ZNF740: variants seen among roughly 807,000 people sequenced by gnomAD.
The protein encoded by ZNF740 is oriLyt TD-element-binding protein 7.
A neutral mutation model predicts 24.8 loss-of-function variants in ZNF740; 14 were observed. The ratio of observed to expected loss-of-function variants is 0.56; its 90% CI spans 0.37 to 0.88. The LOEUF is 0.88. ZNF740 is among the 40% of genes least tolerant of loss of function. The probability of loss-of-function intolerance (pLI) is 0.00; values close to 1 mark genes in which losing one functional copy is unlikely to be tolerated. For synonymous variants in ZNF740, 69 were observed against 84.0 expected, an observed-to-expected ratio of 0.82 and a Z score of 0.98; for missense variants, 201 against 247.9, an observed-to-expected ratio of 0.81 and a Z score of 1.27.
In ZNF740 at chr12:53,187,667, A is replaced by C; in HGVS notation, c.*77A>C. On this transcript the variant is annotated 3_prime_UTR_variant, in exon 7 of 7. Coordinates refer to ENST00000416904, the MANE Select transcript of ZNF740 (RefSeq NM_001004304.4). ...ACACCCCCTCTGGTCTGATGGTCCCACCACCGCCCCATGTGAACCTGTCCC... is the reference window on the plus strand; with the variant it reads ...ACACCCCCTCTGGTCTGATGGTCCCCCCACCGCCCCATGTGAACCTGTCCC... 1 of 1,189,644 alleles carries C rather than the reference A, an allele frequency of 8.4e-7. No individual in the cohort carries two copies. Among genetic ancestry groups the C allele is most frequent in the Non-Finnish European group, 1.2e-6 (1 of 809,932 alleles). The allele number at this position is 1,189,644 out of a possible 1,614,324, so 73.7% of individuals were successfully genotyped here.
At position 53,193,817 on chromosome 12, in the gene ZNF740, C is replaced by G. The variant is rs776099541; in HGVS notation, c.*6227C>G. Reference sequence around the variant, plus strand: ...AGCGTGTGCAACTCCACAATCAGCTCCTCTGAGAAGCCAAGGGCCCGGAGC... The same window carrying G: ...AGCGTGTGCAACTCCACAATCAGCTGCTCTGAGAAGCCAAGGGCCCGGAGC... On this transcript the variant is annotated 3_prime_UTR_variant, in exon 7 of 7. Coordinates refer to ENST00000416904, the MANE Select transcript of ZNF740 (RefSeq NM_001004304.4). 6.2e-7 allele frequency: 1 copy of G among 1,614,070 alleles called. No homozygotes were observed. Among genetic ancestry groups the G allele is most frequent in the Non-Finnish European group, 8.5e-7 (1 of 1,180,006 alleles).
intron 1 of ZNF740, 116 bp from the exon 2 acceptor site, chr12:53,181,561 A>G (rs983129742): frequency 3.2e-6 from 3 of 946,888 alleles, no homozygotes; most frequent in South Asian, 4.5e-5. Context: ...TTCTTGACTC[A>G]TGTCCTCGTT....
In ZNF740 at chr12:53,190,550, C is replaced by T. The variant is rs1941913127; in HGVS notation, c.*2960C>T. On this transcript the variant is annotated 3_prime_UTR_variant, in exon 7 of 7. Coordinates refer to ENST00000416904, the MANE Select transcript of ZNF740 (RefSeq NM_001004304.4). The stretch of plus-strand genomic sequence containing the variant: ...GCTACTGATCACGCCCATGGCTTGA[C>T]ATTGGAGGGTTACATTAGTGGAGTC... 6.5e-6 allele frequency: 1 copy of T among 152,680 alleles called. No homozygotes were observed. Among genetic ancestry groups the T allele is most frequent in the Non-Finnish European group, 1.5e-5 (1 of 68,062 alleles). 9.5% of individuals were successfully genotyped at this position (152,680 alleles called of 1,614,324 possible). A position where few individuals can be genotyped will look rare whatever the true frequency, so the allele number is the denominator to read the frequency against.
chr12:53,192,137 A>G lies in ZNF740; in HGVS notation c.*4547A>G. The G allele has an allele frequency of 7.4e-7, 1 of 1,344,672 alleles. No individual in the cohort carries two copies. The allele number at this position is 1,344,672 out of a possible 1,614,324, so 83.3% of individuals were successfully genotyped here. ...CTGTCACTGAAAGCAAAGGGAACCC[A>G]GGGAGGTCCAAGGTTATCCTCACCG... is the stretch of plus-strand genomic sequence containing the variant. On this transcript the variant is annotated 3_prime_UTR_variant, in exon 7 of 7. Transcript: ENST00000416904.
chr12:53,193,131 T>G lies in ZNF740; in HGVS notation c.*5541T>G. 2 of 1,599,584 alleles carry G rather than the reference T, an allele frequency of 1.3e-6. No individual in the cohort carries two copies. The highest frequency in any genetic ancestry group is 1.7e-6 in the Non-Finnish European group (2 of 1,168,998). ...CAGACCCCGCCCTTCTCCCCAAGGCTCCAGGTACCTCCGCAGAGGATGCCC... is the reference window on the plus strand; with the variant it reads ...CAGACCCCGCCCTTCTCCCCAAGGCGCCAGGTACCTCCGCAGAGGATGCCC... On this transcript the variant is annotated 3_prime_UTR_variant, in exon 7 of 7. Coordinates refer to ENST00000416904, the MANE Select transcript of ZNF740 (RefSeq NM_001004304.4).
At chr12:53,182,551 G>A (rs1307374070) in intron 2 of ZNF740, among the ~76,000 whole-genome samples, 6 of 152,134 alleles carry the variant, frequency 3.9e-5, no homozygotes, top group Non-Finnish European at 7.3e-5. Flanking sequence ...TATGTACATA[G>A]GAGAGAACAG....
At chr12:53,183,650 A>T (rs1941752665) in intron 2 of ZNF740, among the ~76,000 whole-genome samples, 1 of 152,226 alleles carries the variant, frequency 6.6e-6, no homozygotes, top group Admixed American at 6.5e-5. Flanking sequence ...ATGTGATCAT[A>T]CAAGCACACA....
At chr12:53,184,817 T>C in intron 2 of ZNF740, 74 bp from the exon 3 acceptor site, 1 of 1,527,928 alleles carries the variant, frequency 6.5e-7, no homozygotes, top group Non-Finnish European at 8.9e-7. Context: ...TAAAAGGTAG[T>C]TCTATAGAGG....
In ZNF740 at chr12:53,187,601, C is replaced by T. The variant is rs1223892728; in HGVS notation, c.*11C>T. 7 of 1,611,736 alleles carry T rather than the reference C, an allele frequency of 4.3e-6. No homozygotes were observed. In the Middle Eastern group the frequency reaches 6.6e-4, roughly 152 times the overall value. On this transcript the variant is annotated 3_prime_UTR_variant, in exon 7 of 7. Transcript: ENST00000416904. ...CAGTTTTCTCTATAGGCGCAAGGGG[C>T]CCCGGGTGGTGGGAGTGATCAGAAG...
In ZNF740 at chr12:53,194,777, C is replaced by G; in HGVS notation, c.*7187C>G. On this transcript the variant is annotated 3_prime_UTR_variant, in exon 7 of 7. Coordinates refer to ENST00000416904, the MANE Select transcript of ZNF740 (RefSeq NM_001004304.4). ...GGAGATGCTCCCTGTTATCAAGAAG[C>G]CTACAGCCTAGTTGCAGAGGTAAGA... 5.7e-6 allele frequency: 1 copy of G among 174,606 alleles called. No homozygotes were observed. Among genetic ancestry groups the G allele is most frequent in the Non-Finnish European group, 1.2e-5 (1 of 80,372 alleles). The allele number at this position is 174,606 out of a possible 1,614,324, so 10.8% of individuals were successfully genotyped here. A position where few individuals can be genotyped will look rare whatever the true frequency, so the allele number is the denominator to read the frequency against.
intron 3 of ZNF740, 57 bp from the exon 4 acceptor site, chr12:53,185,330 G>T: frequency 6.4e-7 from 1 of 1,557,326 alleles, no homozygotes; most frequent in South Asian, 1.1e-5. Flanking sequence ...AGCTGCATTG[G>T]GTCTCATCTC....
At chr12:53,181,401 C>T in intron 1 of ZNF740, 1 of 985,446 alleles carries the variant, frequency 1.0e-6, no homozygotes, top group South Asian at 4.7e-5. Flanking sequence ...AGGGTCTCCG[C>T]CCCCTTCTTC....
chr12:53,181,262 C>T (rs1334259404), intron 1 of ZNF740: 5 of 985,328 alleles, frequency 5.1e-6, no homozygotes, highest in African/African-American at 1.7e-5. Context: ...CGTGTGGGCA[C>T]TGCCAGTCCC....
Position 53,194,562 on chromosome 12 carries a change from G to T in ZNF740, c.*6972G>T. On this transcript the variant is annotated 3_prime_UTR_variant, in exon 7 of 7. Coordinates refer to ENST00000416904, the MANE Select transcript of ZNF740 (RefSeq NM_001004304.4). ...CAGAGGCCTCTAATACAGCATTTCA[G>T]TGCAGCTGCCAGCAAGGGCCACTGA... 4.0e-6 allele frequency: 2 copies of T among 498,026 alleles called. No individual in the cohort carries two copies. The highest frequency in any genetic ancestry group is 3.2e-5 in the Admixed American group (1 of 31,202). 30.9% of individuals were successfully genotyped at this position (498,026 alleles called of 1,614,324 possible).
Position 53,194,290 on chromosome 12 carries a change from TGTGGA to T in ZNF740, c.*6701_*6705del. On this transcript the variant is annotated 3_prime_UTR_variant, in exon 7 of 7. Transcript: ENST00000416904. ...CCCTCACACTGGGATTCGTAAGAAA[TGTGGA>T]CCCCAGGAGGGAGTGAAGAGTGTTC... 6.2e-7 allele frequency: 1 copy of T among 1,613,892 alleles called. No homozygotes were observed. The highest frequency in any genetic ancestry group is 8.5e-7 in the Non-Finnish European group (1 of 1,179,942).
chr12:53,193,872 G>C lies in ZNF740; in HGVS notation c.*6282G>C, dbSNP rs754522501. On this transcript the variant is annotated 3_prime_UTR_variant, in exon 7 of 7. Coordinates refer to ENST00000416904, the MANE Select transcript of ZNF740 (RefSeq NM_001004304.4). ...GGAGATGGGGCTCTGGGAGGCAGTG[G>C]GTGGCTTGGAGAGAAACCCAGAAAG... 3.7e-6 allele frequency: 6 copies of C among 1,613,656 alleles called. No individual in the cohort carries two copies. Among genetic ancestry groups the C allele is most frequent in the Non-Finnish European group, 5.1e-6 (6 of 1,179,820 alleles).
chr12:53,186,455 C>A lies in ZNF740; in HGVS notation c.438C>A (p.Arg146=). The part of the protein sequence containing the change: ...MRFIQKYHLE[R]HKRVHSGEKP... ...TCATCCAGAAGTACCACCTGGAACGCCACAAGCGTGTGCACAGTGGTGAAA... is the reference window on the plus strand; with the variant it reads ...TCATCCAGAAGTACCACCTGGAACGACACAAGCGTGTGCACAGTGGTGAAA... The change falls in exon 6 of 7, where the codon CGC becomes CGA. Residue 146 remains arginine, a synonymous_variant. Transcript: ENST00000416904. 1 of 1,592,456 alleles carries A rather than the reference C, an allele frequency of 6.3e-7. No individual in the cohort carries two copies. Among genetic ancestry groups the A allele is most frequent in the Non-Finnish European group, 8.6e-7 (1 of 1,168,902 alleles).
rs758415703 is a variant in ZNF740 at position 53,187,933 on chromosome 12, A to C, written c.*343A>C. Reference sequence around the variant, plus strand: ...GGACTCCAGCTGGCAGCTGAAATGGAAAAGATTGGGGAAGGGGATTTGTTT... The same window carrying C: ...GGACTCCAGCTGGCAGCTGAAATGGCAAAGATTGGGGAAGGGGATTTGTTT... On this transcript the variant is annotated 3_prime_UTR_variant, in exon 7 of 7. Coordinates refer to ENST00000416904, the MANE Select transcript of ZNF740 (RefSeq NM_001004304.4). 8 of 275,082 alleles carry C rather than the reference A, an allele frequency of 2.9e-5. No individual in the cohort carries two copies. Among genetic ancestry groups the C allele is most frequent in the Non-Finnish European group, 4.9e-5 (7 of 142,892 alleles). The allele number at this position is 275,082 out of a possible 1,614,324, so 17.0% of individuals were successfully genotyped here. A position where few individuals can be genotyped will look rare whatever the true frequency, so the allele number is the denominator to read the frequency against.
Position 53,194,054 on chromosome 12 carries a change from A to C in ZNF740, c.*6464A>C, listed in dbSNP as rs1447093807. 5.1e-6 allele frequency: 7 copies of C among 1,365,996 alleles called. No individual in the cohort carries two copies. Among genetic ancestry groups the C allele is most frequent in the Non-Finnish European group, 7.1e-6 (7 of 981,906 alleles). 84.6% of individuals were successfully genotyped at this position (1,365,996 alleles called of 1,614,324 possible). ...AGAAACATGCCTGAGGAAGCCACTC[A>C]GACTGCTCCAGGAAGGATGGATGGA... On this transcript the variant is annotated 3_prime_UTR_variant, in exon 7 of 7. Transcript: ENST00000416904.
Sources: gnomAD v4.1 joint callset for allele counts (sites outside exome capture counted in the v4.1 genomes callset) on GRCh38, gnomAD v4.1.1 for gene constraint, MANE v1.5 for transcripts, NCBI Gene and HGNC (gene_info 2026-07-23, HGNC 2026-07-21) for gene names.